Variants in RELL1 observed in about 807,000 individuals in gnomAD.
RELL1 encodes RELT like 1.
Under a neutral mutation model 23.0 loss-of-function variants are expected in RELL1, and 10 were observed. The ratio of observed to expected loss-of-function variants is 0.43; its 90% CI spans 0.27 to 0.74. RELL1 has a LOEUF of 0.74. Ranked by LOEUF, RELL1 falls within the 30% of genes least tolerant of loss-of-function variation. RELL1 has a pLI of 0.19. For synonymous variants in RELL1, 146 were observed against 146.8 expected, an observed-to-expected ratio of 0.99 and a Z score of 0.04; for missense variants, 315 against 364.4, an observed-to-expected ratio of 0.86 and a Z score of 1.10.
downstream of RELL1, among the ~76,000 whole-genome samples, chr4:37,606,152 GAA>G (rs1251157265): frequency 7.2e-6 from 1 of 139,638 alleles, no homozygotes; most frequent in Non-Finnish European, 1.5e-5. The surrounding 1 kb of genome is among the most constrained non-coding windows in gnomAD (Gnocchi z 4.1). Context: ...GGGAGAGAGA[GAA>G]AGAAAAGAAA....
intron 1 of RELL1, among the ~76,000 whole-genome samples, chr4:37,653,666 G>A (rs115130971): frequency 8.2e-4 from 124 of 152,082 alleles, no homozygotes; most frequent in African/African-American, 2.6e-3. Flanking sequence ...TCTGTATCTC[G>A]TCCCCTTACA....
intron 1 of RELL1, among the ~76,000 whole-genome samples, chr4:37,660,148 T>A (rs1466960068): frequency 2.0e-5 from 3 of 152,068 alleles, no homozygotes; most frequent in South Asian, 4.2e-4. Flanking sequence ...TATTTTTTGG[T>A]CTAGATTACC....
intron 6 of RELL1, among the ~76,000 whole-genome samples, chr4:37,600,780 CGTGTGTGTGTGT>C: frequency 6.8e-6 from 1 of 147,680 alleles, no homozygotes; most frequent in East Asian, 2.0e-4. Flanking sequence ...TGGATTTGTG[CGTGTGTGTGTGT>C]GTGTGTGTGT....
chr4:37,587,284 T>A (rs114885505), downstream of RELL1, among the ~76,000 whole-genome samples: 1 of 152,142 alleles, frequency 6.6e-6, no homozygotes, highest in African/African-American at 2.4e-5. Flanking sequence ...ATCCTACACT[T>A]AATCACATCT....
intron 1 of RELL1, among the ~76,000 whole-genome samples, chr4:37,685,157 C>A (rs910405551): frequency 6.6e-6 from 1 of 152,112 alleles, no homozygotes; most frequent in Non-Finnish European, 1.5e-5. Context: ...AAGTTGTAAG[C>A]GACTGAAATG....
intron 1 of RELL1, among the ~76,000 whole-genome samples, chr4:37,654,844 C>T (rs1051584597): frequency 1.3e-5 from 2 of 151,880 alleles, no homozygotes; most frequent in Non-Finnish European, 2.9e-5. Context: ...ACCTTACATG[C>T]AATATGATCC....
At chr4:37,673,059 T>A in intron 1 of RELL1, among the ~76,000 whole-genome samples, 1 of 152,136 alleles carries the variant, frequency 6.6e-6, no homozygotes, top group Admixed American at 6.5e-5. Flanking sequence ...ATAGACAAGC[T>A]GATTTGTATA....
chr4:37,614,977 C>A (rs1403672159), intron 6 of RELL1, among the ~76,000 whole-genome samples: 7 of 152,114 alleles, frequency 4.6e-5, no homozygotes, highest in Non-Finnish European at 1.0e-4. Flanking sequence ...ACAGGCTAAG[C>A]TAAAAAGGAG....
At chr4:37,677,516 C>A (rs1330268186) in intron 1 of RELL1, among the ~76,000 whole-genome samples, 1 of 152,236 alleles carries the variant, frequency 6.6e-6, no homozygotes, top group African/African-American at 2.4e-5. Context: ...ATGTCATCAT[C>A]AAATCTACAT....
intron 1 of RELL1, among the ~76,000 whole-genome samples, chr4:37,685,614 T>G (rs1577617901): frequency 6.6e-6 from 1 of 152,346 alleles, no homozygotes; most frequent in South Asian, 2.1e-4. Context: ...CCAACGCGCC[T>G]TCCCTTTTTC....
At chr4:37,676,083 G>C (rs1246041764) in intron 1 of RELL1, among the ~76,000 whole-genome samples, 2 of 152,128 alleles carry the variant, frequency 1.3e-5, no homozygotes, top group Admixed American at 1.3e-4. Context: ...ATTTCCTCCA[G>C]AGAGCATGCC....
At chr4:37,596,730 ATATATATTTTTTTTTTTTTTTT>A (rs1242651232) in intron 6 of RELL1, among the ~76,000 whole-genome samples, 2 of 16,972 alleles carry the variant, frequency 1.2e-4, no homozygotes, top group African/African-American at 2.9e-4. Context: ...ATATATATAT[ATATATATTTTTTTTTTTTTTTT>A]TTTTTTTTTT....
intron 3 of RELL1, among the ~76,000 whole-genome samples, chr4:37,645,739 T>G (rs1720690117): frequency 6.6e-6 from 1 of 152,226 alleles, no homozygotes; most frequent in African/African-American, 2.4e-5. Context: ...GAACTAACTT[T>G]ATAGGGATGT....
intron 1 of RELL1, among the ~76,000 whole-genome samples, chr4:37,676,734 T>C (rs1235494468): frequency 6.6e-6 from 1 of 152,148 alleles, no homozygotes; most frequent in Non-Finnish European, 1.5e-5. Flanking sequence ...GAGGCTTACA[T>C]CTAAGATTTG....
At chr4:37,662,499 C>T (rs1721389217) in intron 1 of RELL1, among the ~76,000 whole-genome samples, 1 of 151,312 alleles carries the variant, frequency 6.6e-6, no homozygotes, top group South Asian at 2.1e-4. Context: ...GGCTGGGGCA[C>T]TCAGAGCATT....
intron 1 of RELL1, among the ~76,000 whole-genome samples, chr4:37,680,634 C>T (rs1015787295): frequency 6.6e-6 from 1 of 152,086 alleles, no homozygotes; most frequent in African/African-American, 2.4e-5. Context: ...ATTAAAGAAC[C>T]TATGCGAGTT....
Position 37,649,344 on chromosome 4 carries a change from T to G in RELL1, c.245A>C (p.Lys82Thr), listed in dbSNP as rs758672606. Reference protein sequence around the residue: ...LFGVLICHLLKKKGYRCTTEA... With the variant: ...LFGVLICHLLTKKGYRCTTEA... The stretch of plus-strand genomic sequence containing the variant: ...TGTTGTACAACGATAGCCTTTCTTC[T>G]TAAGCAGGTGGCAAATGAGGACGCC... The change falls in exon 2 of 7, where the codon AAG (lysine) becomes ACG (threonine). Residue 82 changes from lysine (K) to threonine (T), a missense_variant. By Grantham distance (78) the Lys-to-Thr change is moderately conservative. Coordinates refer to ENST00000454158, the MANE Select transcript of RELL1 (RefSeq NM_001085400.2). 6 of 1,614,260 alleles carry G rather than the reference T, an allele frequency of 3.7e-6. No homozygotes were observed. Among genetic ancestry groups the G allele is most frequent in the Non-Finnish European group, 4.2e-6 (5 of 1,180,048 alleles).
At chr4:37,669,590 AG>A (rs1218010807) in intron 1 of RELL1, among the ~76,000 whole-genome samples, 1 of 152,188 alleles carries the variant, frequency 6.6e-6, no homozygotes, top group East Asian at 1.9e-4. Context: ...TGGAATAGAA[AG>A]GGGGGAAAGG....
intron 2 of RELL1, among the ~76,000 whole-genome samples, chr4:37,648,644 G>A (rs1326621677): frequency 6.6e-6 from 1 of 152,192 alleles, no homozygotes; most frequent in Non-Finnish European, 1.5e-5. Flanking sequence ...AAACAGATGA[G>A]ACAGCCTGAA....
Sources: allele counts gnomAD v4.1 joint callset (sites outside exome capture counted in the v4.1 genomes callset), GRCh38; gene constraint gnomAD v4.1.1; non-coding constraint Gnocchi (gnomAD v3.1); transcripts MANE v1.5; gene names NCBI Gene and HGNC (gene_info 2026-07-23, HGNC 2026-07-21).